The following STUM variants were observed in gnomAD, a reference collection of about 807,000 sequenced individuals.
STUM encodes the protein stum, mechanosensory transduction mediator homolog.
Under a neutral mutation model 15.3 loss-of-function variants are expected in STUM, and 8 were observed. That is an observed-to-expected ratio of 0.52 (90% CI 0.31 to 0.94). The LOEUF is 0.94. Ranked by LOEUF, STUM falls within the 40% of genes least tolerant of loss-of-function variation. STUM has a pLI of 0.05. For missense variants in STUM, 142 were observed against 204.9 expected, an observed-to-expected ratio of 0.69 and a Z score of 1.87; for synonymous variants, 78 against 88.7, an observed-to-expected ratio of 0.88 and a Z score of 0.68.
At chr1:226,584,473 C>A (rs770256002) in intron 1 of STUM, among the ~76,000 whole-genome samples, 1 of 152,110 alleles carries the variant, frequency 6.6e-6, no homozygotes, top group Non-Finnish European at 1.5e-5. Context: ...GAAAGAGTGT[C>A]AAAGAATTGG....
intron 1 of STUM, among the ~76,000 whole-genome samples, chr1:226,570,175 C>T (rs1667685679): frequency 6.6e-6 from 1 of 152,158 alleles, no homozygotes; most frequent in Admixed American, 6.5e-5. Context: ...CTGGTGGCTC[C>T]TCTGGGTAAG....
rs1271453128 is a variant in STUM at position 226,597,097 on chromosome 1, G to A, written c.382+116G>A. The stretch of plus-strand genomic sequence containing the variant: ...TGCTCACCCGCTAAGCACGGGCTCT[G>A]GAGAGGGCTTGCCCGTGTCCTCTTC... On this transcript the variant is annotated intron_variant, in intron 2 of 3. Transcript: ENST00000366788. 5.9e-6 allele frequency: 6 copies of A among 1,019,430 alleles called. No individual in the cohort carries two copies. In the Middle Eastern group the frequency reaches 1.1e-3, roughly 195 times the overall value. 63.1% of individuals were successfully genotyped at this position (1,019,430 alleles called of 1,614,324 possible).
At chr1:226,581,344 G>A (rs960813118) in intron 1 of STUM, among the ~76,000 whole-genome samples, 5 of 152,310 alleles carry the variant, frequency 3.3e-5, no homozygotes, top group Admixed American at 1.3e-4. Flanking sequence ...TTGGTTTGTT[G>A]GTGTCTTAGT....
In STUM at chr1:226,602,677, C is replaced by T. The variant is rs1018869940; in HGVS notation, c.*637C>T. 6.6e-6 allele frequency: 1 copy of T among 152,552 alleles called. No homozygotes were observed. Among genetic ancestry groups the T allele is most frequent in the Non-Finnish European group, 1.5e-5 (1 of 68,316 alleles). 9.4% of individuals were successfully genotyped at this position (152,552 alleles called of 1,614,324 possible). ...GACCGCACCCCCCGCCTCCTCGCAG[C>T]TGAAATCTGAGGGCTGGGTGTGTCG... On this transcript the variant is annotated 3_prime_UTR_variant, in exon 4 of 4. Coordinates refer to ENST00000366788, the MANE Select transcript of STUM (RefSeq NM_001003665.4).
At chr1:226,593,966 G>A (rs760262939) in intron 1 of STUM, among the ~76,000 whole-genome samples, 11 of 152,180 alleles carry the variant, frequency 7.2e-5, no homozygotes, top group Non-Finnish European at 1.2e-4. Flanking sequence ...ACTTGATGTT[G>A]GGTGTACTTC....
rs1311413021 is a variant in STUM, at chr1:226,581,530, G to A, written c.203-15272G>A. ...AGGGCATCACTTGGTGACAGGGCAA[G>A]AGTGTATGAGCTTAGCTCTCTCTTC... On this transcript the variant is annotated intron_variant, in intron 1 of 3. Transcript: ENST00000366788. Among the ~76,000 whole-genome samples the A allele has an allele frequency of 3.3e-5, 5 of 152,216 alleles. No homozygotes were observed. In the East Asian group the frequency reaches 9.6e-4, roughly 29 times the overall value.
chr1:226,585,943 G>C (rs1667990144), intron 1 of STUM, among the ~76,000 whole-genome samples: 1 of 151,818 alleles, frequency 6.6e-6, no homozygotes, highest in South Asian at 2.1e-4. Flanking sequence ...GCGTGGTTGG[G>C]TTCTGGGAAG....
intron 1 of STUM, among the ~76,000 whole-genome samples, chr1:226,561,493 G>A (rs181763070): frequency 3.3e-5 from 5 of 152,226 alleles, no homozygotes; most frequent in East Asian, 3.9e-4. Flanking sequence ...CTTGGTCCCC[G>A]ACCACTCAGG....
chr1:226,551,265 A>G (rs1169443754), intron 1 of STUM, among the ~76,000 whole-genome samples: 2 of 152,168 alleles, frequency 1.3e-5, no homozygotes, highest in Non-Finnish European at 1.5e-5. Flanking sequence ...CGTCTGGTGC[A>G]TAGGAAGCTC....
At chr1:226,590,624 T>C (rs998346143) in intron 1 of STUM, among the ~76,000 whole-genome samples, 1 of 152,010 alleles carries the variant, frequency 6.6e-6, no homozygotes, top group Non-Finnish European at 1.5e-5. Context: ...ACCTCTAGAG[T>C]CCTTGTCTCT....
At chr1:226,586,232 A>T (rs947548006) in intron 1 of STUM, among the ~76,000 whole-genome samples, 3 of 152,088 alleles carry the variant, frequency 2.0e-5, no homozygotes, top group Non-Finnish European at 2.9e-5. Context: ...CAGCTCAGGG[A>T]CCTGGGGACA....
chr1:226,578,109 G>A (rs78714319), intron 1 of STUM, among the ~76,000 whole-genome samples: 8,631 of 152,202 alleles, frequency 0.057, 258 homozygotes, highest in South Asian at 0.12. Flanking sequence ...GGATGATGCC[G>A]TCAAAAAGAC....
chr1:226,600,634 C>T lies in STUM; in HGVS notation c.383-32C>T, dbSNP rs73098857. On this transcript the variant is annotated intron_variant, in intron 2 of 3. Coordinates refer to ENST00000366788, the MANE Select transcript of STUM (RefSeq NM_001003665.4). This position sits in a 1 kb window ranked among gnomAD's most constrained non-coding sequence, Gnocchi z 5.2. ...TTCTCTTCTTCTCTCTCTCCTCTTC[C>T]TCCTGCTGCCTCCCACTCTGTGCTG... 1,158 of 1,610,508 alleles carry T rather than the reference C, an allele frequency of 7.2e-4. 8 individuals are homozygous for T. The African/African-American group carries it at 0.013, about 19-fold the overall frequency.
At chr1:226,561,158 T>C (rs532308571) in intron 1 of STUM, among the ~76,000 whole-genome samples, 2 of 152,292 alleles carry the variant, frequency 1.3e-5, no homozygotes, top group East Asian at 3.9e-4. Flanking sequence ...CTCCTTGAGA[T>C]TCTGGTTCTT....
chr1:226,586,558 T>C (rs913199121), intron 1 of STUM, among the ~76,000 whole-genome samples: 5 of 152,146 alleles, frequency 3.3e-5, no homozygotes, highest in African/African-American at 1.2e-4. Flanking sequence ...GGGATCCCTG[T>C]TCTCAGTTGC....
intron 1 of STUM, among the ~76,000 whole-genome samples, chr1:226,583,515 A>T (rs188437618): frequency 6.6e-6 from 1 of 152,172 alleles, no homozygotes; most frequent in Non-Finnish European, 1.5e-5. Flanking sequence ...GCAAGCACAC[A>T]TGTCTATCCT....
At chr1:226,591,809 A>G (rs1170019714) in intron 1 of STUM, among the ~76,000 whole-genome samples, 2 of 152,310 alleles carry the variant, frequency 1.3e-5, no homozygotes, top group South Asian at 2.1e-4. Flanking sequence ...CCTAATAAAA[A>G]CATGAAAGAA....
At chr1:226,579,497 G>T (rs1163883347) in intron 1 of STUM, among the ~76,000 whole-genome samples, 1 of 152,204 alleles carries the variant, frequency 6.6e-6, no homozygotes, top group East Asian at 1.9e-4. Flanking sequence ...AGTGTGAGAT[G>T]AGGAGGTCTG....
At chr1:226,574,932 CA>C (rs1667782839) in intron 1 of STUM, among the ~76,000 whole-genome samples, 1 of 152,200 alleles carries the variant, frequency 6.6e-6, no homozygotes, top group Non-Finnish European at 1.5e-5. Flanking sequence ...GGGGAACAAG[CA>C]AACCGCAGGT....
Sources: allele counts gnomAD v4.1 joint callset (sites outside exome capture counted in the v4.1 genomes callset), GRCh38; gene constraint gnomAD v4.1.1; non-coding constraint Gnocchi (gnomAD v3.1); transcripts MANE v1.5; gene names NCBI Gene and HGNC (gene_info 2026-07-23, HGNC 2026-07-21).